Variants in ACAD10 observed in about 807,000 individuals in gnomAD.
ACAD10 encodes ACAD-10.
ACAD10 carries 112 observed loss-of-function variants against 116.8 expected under a neutral mutation model. The ratio of observed to expected loss-of-function variants is 0.96; its 90% CI spans 0.82 to 1.12. The LOEUF (loss-of-function observed/expected upper bound fraction) is 1.12, where lower values mean the gene tolerates loss of function less well. Among genes scored for constraint, ACAD10 ranks in the 50% most tolerant of loss-of-function variants. The pLI, the probability that ACAD10 is intolerant of heterozygous loss-of-function variation, is 0.00. For missense variants in ACAD10, 1,259 were observed against 1,350.2 expected, an observed-to-expected ratio of 0.93 and a Z score of 1.06; for synonymous variants, 486 against 510.6, an observed-to-expected ratio of 0.95 and a Z score of 0.65.
At chr12:111,729,149 G>A (rs1471140193) in intron 9 of ACAD10, among the ~76,000 whole-genome samples, 1 of 152,230 alleles carries the variant, frequency 6.6e-6, no homozygotes, top group Non-Finnish European at 1.5e-5. Flanking sequence ...GGGTTTCATA[G>A]CCTGGCAGTC....
At chr12:111,729,268 G>A (rs1363420563) in intron 9 of ACAD10, among the ~76,000 whole-genome samples, 4 of 151,872 alleles carry the variant, frequency 2.6e-5, no homozygotes, top group Non-Finnish European at 5.9e-5. Context: ...ATGGAGTTTT[G>A]CTCTTGTCAC....
intron 8 of ACAD10, among the ~76,000 whole-genome samples, chr12:111,722,723 A>G (rs1889052782): frequency 6.6e-6 from 1 of 152,224 alleles, no homozygotes. Flanking sequence ...GATCAACAGG[A>G]TCCCAAGGCA....
At chr12:111,696,515 T>G (rs962174322) in intron 2 of ACAD10, among the ~76,000 whole-genome samples, 2 of 152,226 alleles carry the variant, frequency 1.3e-5, no homozygotes, top group African/African-American at 4.8e-5. Flanking sequence ...GAAAACCATC[T>G]TGCCCATTTG....
At chr12:111,730,981 G>T (rs1206368383) in intron 10 of ACAD10, among the ~76,000 whole-genome samples, 2 of 152,086 alleles carry the variant, frequency 1.3e-5, no homozygotes, top group African/African-American at 2.4e-5. Context: ...ATGTGAGATG[G>T]GGTTTCATCA....
intron 3 of ACAD10, among the ~76,000 whole-genome samples, chr12:111,704,979 G>A (rs904461490): frequency 2.6e-5 from 4 of 152,024 alleles, no homozygotes; most frequent in East Asian, 1.9e-4. Flanking sequence ...GAGCCACTGC[G>A]CCCAGCCTTA....
At position 111,729,920 on chromosome 12, in the gene ACAD10, G is replaced by T. The variant is rs368642732; in HGVS notation, c.1358G>T (p.Arg453Leu). The change falls in exon 10 of 21, where the codon CGT becomes CTT. Residue 453 changes from arginine to leucine, a missense_variant. Transcript: ENST00000313698. ...LIEWLPLHLPRQQRTTVVHGD... is the reference protein window; with the variant it reads ...LIEWLPLHLPLQQRTTVVHGD... ...GAATGGCTGCCCCTCCATCTTCCCC[G>T]TCAGCAGAGGACCACAGTGGTGCAC... The T allele has an allele frequency of 5.0e-6, 8 of 1,613,968 alleles. No individual in the cohort carries two copies. The highest frequency in any genetic ancestry group is 6.8e-6 in the Non-Finnish European group (8 of 1,180,008).
chr12:111,710,992 C>CA (rs1284150965), intron 5 of ACAD10, among the ~76,000 whole-genome samples: 2 of 152,174 alleles, frequency 1.3e-5, no homozygotes, highest in African/African-American at 4.8e-5. Flanking sequence ...AGAGGAAATG[C>CA]ATTCTACTGC....
intron 18 of ACAD10, among the ~76,000 whole-genome samples, chr12:111,750,893 C>T (rs540315726): frequency 2.0e-5 from 3 of 152,262 alleles, no homozygotes; most frequent in Admixed American, 6.5e-5. Context: ...TTTTTATTAC[C>T]GAGCAAACCT....
At chr12:111,717,330 A>G (rs7295406) in intron 7 of ACAD10, among the ~76,000 whole-genome samples, 11,221 of 149,128 alleles carry the variant, frequency 0.075, 1,507 homozygotes, top group East Asian at 0.62. Flanking sequence ...TGCACTCACA[A>G]AGTGAGACCC....
chr12:111,689,967 G>A (rs1406730274), intron 1 of ACAD10, among the ~76,000 whole-genome samples: 1 of 151,896 alleles, frequency 6.6e-6, no homozygotes, highest in East Asian at 1.9e-4. Flanking sequence ...CGCCCGCCTC[G>A]GCCTCCCAGA....
In ACAD10 at chr12:111,755,738, C is replaced by T. The variant is rs570798113; in HGVS notation, c.3032C>T (p.Ala1011Val). 35 of 1,613,584 alleles carry T rather than the reference C, an allele frequency of 2.2e-5. No individual in the cohort carries two copies. In the African/African-American group the frequency reaches 2.4e-4, roughly 11 times the overall value. Reference sequence around the variant, plus strand: ...ATGGCCTCCCGAGTGATTGATCGTGCGATTCAGGTGAGCACAGACCAGACA... The same window carrying T: ...ATGGCCTCCCGAGTGATTGATCGTGTGATTCAGGTGAGCACAGACCAGACA... ...PSMASRVIDRAIQAFGAAGLS... is the reference protein window; with the variant it reads ...PSMASRVIDRVIQAFGAAGLS... The change falls in exon 20 of 21, where the codon GCG (alanine) becomes GTG (valine). Residue 1011 changes from alanine (A) to valine (V), a missense_variant. By Grantham distance (64) the Ala-to-Val change is moderately conservative. Transcript: ENST00000313698.
At chr12:111,706,762 T>TATA (rs1464763540) in intron 4 of ACAD10, among the ~76,000 whole-genome samples, 1 of 131,592 alleles carries the variant, frequency 7.6e-6, no homozygotes, top group Non-Finnish European at 1.6e-5. Context: ...ATTTATTTTT[T>TATA]TATATATATA....
rs1257492153 is a variant in ACAD10 at position 111,745,138 on chromosome 12, A to T, written c.2115+95A>T. The T allele has an allele frequency of 3.0e-6, 4 of 1,342,236 alleles. No homozygotes were observed. In the East Asian group the frequency reaches 7.3e-5, roughly 25 times the overall value. 83.1% of individuals were successfully genotyped at this position (1,342,236 alleles called of 1,614,324 possible). ...ACCTGAACCATCCCAGGCAGTGAAGATACAGGAGCTCCGAGTTGAATGATC... is the reference window on the plus strand; with the variant it reads ...ACCTGAACCATCCCAGGCAGTGAAGTTACAGGAGCTCCGAGTTGAATGATC... On this transcript the variant is annotated intron_variant, in intron 13 of 20. Coordinates refer to ENST00000313698, the MANE Select transcript of ACAD10 (RefSeq NM_025247.6).
At chr12:111,737,284 G>A (rs1889594580) in intron 12 of ACAD10, among the ~76,000 whole-genome samples, 2 of 152,156 alleles carry the variant, frequency 1.3e-5, no homozygotes, top group Non-Finnish European at 2.9e-5. Context: ...CTGGGTTCAA[G>A]CGATTCTCCT....
rs778969757 is a variant in ACAD10 at position 111,746,163 on chromosome 12, GA to G, written c.2136del (p.Leu713PhefsTer8). The G allele has an allele frequency of 4.3e-6, 7 of 1,613,178 alleles. No homozygotes were observed. In the African/African-American group the frequency reaches 8.0e-5, roughly 18 times the overall value. Reference protein sequence around the residue: ...EDLKEKAKAEGLWNLFLPLEA... With the variant: ...EDLKEKAKAEXLWNLFLPLEA... ...TGATAGGAGAAAGCCAAAGCTGAAG[GA>G]CTTTGGAACCTTTTCCTACCCTTAG... On this transcript the variant is annotated frameshift_variant, in exon 14 of 21. Transcript: ENST00000313698. LOFTEE classifies it high-confidence loss of function.
intron 12 of ACAD10, among the ~76,000 whole-genome samples, chr12:111,737,841 GGTGTGTGTGTGT>G (rs150399090): frequency 2.7e-5 from 4 of 146,394 alleles, no homozygotes; most frequent in Non-Finnish European, 3.0e-5. Flanking sequence ...CAAATTTCTT[GGTGTGTGTGTGT>G]GTGTGTGTGT....
intron 18 of ACAD10, among the ~76,000 whole-genome samples, chr12:111,751,203 C>G (rs1389539072): frequency 6.6e-6 from 1 of 152,178 alleles, no homozygotes; most frequent in Admixed American, 6.6e-5. Context: ...ATAAGGCTAA[C>G]AATGACTGTT....
intron 10 of ACAD10, 129 bp from the exon 11 acceptor site, chr12:111,733,794 C>A: frequency 8.5e-7 from 1 of 1,173,520 alleles, no homozygotes; most frequent in African/African-American, 1.5e-5. Flanking sequence ...GCCCAGGGAG[C>A]TCAGGCACCC....
At chr12:111,723,593 G>A in intron 8 of ACAD10, among the ~76,000 whole-genome samples, 2 of 141,162 alleles carry the variant, frequency 1.4e-5, no homozygotes, top group African/African-American at 2.6e-5. Flanking sequence ...CCGGGTGGGG[G>A]GCTGACCCCC....
Sources: gnomAD v4.1 joint callset for allele counts (sites outside exome capture counted in the v4.1 genomes callset) on GRCh38, gnomAD v4.1.1 for gene constraint, MANE v1.5 for transcripts, NCBI Gene and HGNC (gene_info 2026-07-23, HGNC 2026-07-21) for gene names.